The following UGT1A8 variants were observed in gnomAD, a reference collection of about 807,000 sequenced individuals.
UGT1A8 encodes UDP-glucuronosyltransferase 1A8.
A neutral mutation model predicts 45.3 loss-of-function variants in UGT1A8; 39 were observed. That is an observed-to-expected ratio of 0.86 (90% confidence interval 0.67 to 1.12). The LOEUF is 1.12. Ranked by LOEUF, UGT1A8 falls within the 50% of genes most tolerant of loss-of-function variation. UGT1A8 has a pLI of 0.00. For missense variants in UGT1A8, 719 were observed against 664.9 expected (o/e 1.08, Z -0.90); for synonymous variants, 275 against 249.2 (o/e 1.10, Z -0.97).
At chr2:233,729,994 G>T in intron 1 of UGT1A8, 10 of 1,613,954 alleles carry the variant, frequency 6.2e-6, no homozygotes, top group African/African-American at 1.3e-5. Context: ...ACTATCTCAG[G>T]TCTGTATTGG....
At position 233,635,515 on chromosome 2, in the gene UGT1A8, A is replaced by G. The variant is rs554343189; in HGVS notation, c.855+16953A>G. On this transcript the variant is annotated intron_variant, in intron 1 of 4. Transcript: ENST00000373450. ...ACAATTGGGAGGGCAGTGCCAAGCC[A>G]TTCATGAGGGATCCATGCCCATGAC... Among the ~76,000 whole-genome samples, 3 of 150,914 alleles carry G rather than the reference A, an allele frequency of 2.0e-5. No homozygotes were observed. The East Asian group carries it at 5.8e-4, about 29-fold the overall frequency.
At chr2:233,660,773 A>G (rs1269611092) in intron 1 of UGT1A8, among the ~76,000 whole-genome samples, 5 of 152,186 alleles carry the variant, frequency 3.3e-5, no homozygotes, top group African/African-American at 9.6e-5. Flanking sequence ...GCACTTTTGC[A>G]TGAATTAAAA....
chr2:233,673,736 A>G (rs1459418827), intron 1 of UGT1A8, among the ~76,000 whole-genome samples: 4 of 152,176 alleles, frequency 2.6e-5, no homozygotes, highest in Non-Finnish European at 4.4e-5. Flanking sequence ...TTCCATTTCT[A>G]CATGTAACTG....
chr2:233,690,402 C>A (rs1273231905), intron 1 of UGT1A8: 16 of 1,162,780 alleles, frequency 1.4e-5, no homozygotes, highest in Non-Finnish European at 1.8e-5. Flanking sequence ...TTCCTATTCC[C>A]AACATGAAAT....
At chr2:233,690,423 C>T in intron 1 of UGT1A8, 1 of 1,228,814 alleles carries the variant, frequency 8.1e-7, no homozygotes, top group South Asian at 1.3e-5. Context: ...TACCTTCATG[C>T]ACATCTTTGG....
chr2:233,748,845 C>A (rs936990961), intron 1 of UGT1A8, among the ~76,000 whole-genome samples: 1 of 151,120 alleles, frequency 6.6e-6, no homozygotes, highest in South Asian at 2.1e-4. Context: ...AAACTGTGAG[C>A]GTATAAGCCC....
intron 1 of UGT1A8, among the ~76,000 whole-genome samples, chr2:233,659,205 T>C (rs541565986): frequency 6.6e-6 from 1 of 152,336 alleles, no homozygotes; most frequent in Non-Finnish European, 1.5e-5. Context: ...AATTTGCAAT[T>C]GTTCATTGCT....
chr2:233,760,932 T>C, intron 1 of UGT1A8: 1 of 1,614,198 alleles, frequency 6.2e-7, no homozygotes, highest in Non-Finnish European at 8.5e-7. Context: ...ACATGCTCAT[T>C]GCCTTTTCAC....
chr2:233,654,313 G>A (rs1274871623), intron 1 of UGT1A8, among the ~76,000 whole-genome samples: 1 of 152,150 alleles, frequency 6.6e-6, no homozygotes, highest in African/African-American at 2.4e-5. Context: ...GATCCTTAGG[G>A]AATCAATATT....
chr2:233,734,419 T>C (rs2078523493), intron 1 of UGT1A8, among the ~76,000 whole-genome samples: 1 of 152,186 alleles, frequency 6.6e-6, no homozygotes, highest in African/African-American at 2.4e-5. Flanking sequence ...CTCTCTTTTC[T>C]TCTTTATTAG....
chr2:233,667,841 C>T (rs1184497965), intron 1 of UGT1A8, among the ~76,000 whole-genome samples: 3 of 152,210 alleles, frequency 2.0e-5, no homozygotes, highest in African/African-American at 7.2e-5. Context: ...GATACCATCT[C>T]ACACAAGTTA....
chr2:233,713,398 C>A (rs1193578945), intron 1 of UGT1A8: 1 of 1,613,966 alleles, frequency 6.2e-7, no homozygotes, highest in African/African-American at 1.3e-5. Context: ...CATAATGAGG[C>A]CCTGATCAGG....
chr2:233,661,707 T>G (rs1253941218), intron 1 of UGT1A8, among the ~76,000 whole-genome samples: 1 of 134,498 alleles, frequency 7.4e-6, no homozygotes, highest in African/African-American at 2.9e-5. Context: ...TTATCTGGAT[T>G]CTTTTTTTTT....
At chr2:233,716,242 C>T (rs116835228) in intron 1 of UGT1A8, among the ~76,000 whole-genome samples, 1,736 of 152,272 alleles carry the variant, frequency 0.011, 26 homozygotes, top group African/African-American at 0.04. Flanking sequence ...TTGTCCTGCC[C>T]GGACATCCAG....
chr2:233,655,322 G>T (rs565346618), intron 1 of UGT1A8, among the ~76,000 whole-genome samples: 57 of 152,212 alleles, frequency 3.7e-4, no homozygotes, highest in African/African-American at 1.2e-3. Flanking sequence ...ATGCAGGTTT[G>T]CCCAGATTAT....
chr2:233,740,447 GAGA>G (rs1243845787), intron 1 of UGT1A8, among the ~76,000 whole-genome samples: 2 of 151,994 alleles, frequency 1.3e-5, no homozygotes, highest in African/African-American at 2.4e-5. Flanking sequence ...GGAATCAGAG[GAGA>G]AGAAGATGAT....
chr2:233,679,691 G>C (rs915650014), intron 1 of UGT1A8, among the ~76,000 whole-genome samples: 5 of 152,016 alleles, frequency 3.3e-5, no homozygotes, highest in African/African-American at 1.2e-4. Flanking sequence ...CTTGGCAGAG[G>C]CTGGTTCTCC....
chr2:233,689,091 C>A (rs2074925842), intron 1 of UGT1A8, among the ~76,000 whole-genome samples: 1 of 152,176 alleles, frequency 6.6e-6, no homozygotes, highest in Admixed American at 6.5e-5. Flanking sequence ...GTGGCCTGTG[C>A]CCCTCCCCAC....
chr2:233,720,113 A>G (rs1489056833), intron 1 of UGT1A8, among the ~76,000 whole-genome samples: 1 of 152,208 alleles, frequency 6.6e-6, no homozygotes, highest in African/African-American at 2.4e-5. Flanking sequence ...CTTGCGAAAG[A>G]TACAGAGGTG....
Sources: allele counts gnomAD v4.1 joint callset (sites outside exome capture counted in the v4.1 genomes callset), GRCh38; gene constraint gnomAD v4.1.1; transcripts MANE v1.5; gene names NCBI Gene and HGNC (gene_info 2026-07-23, HGNC 2026-07-21).